The following RYK variants were observed in gnomAD, a reference collection of about 807,000 sequenced individuals.
RYK encodes receptor like tyrosine kinase, also known as inactive tyrosine-protein kinase RYK.
RYK carries 21 observed loss-of-function variants against 70.2 expected under a neutral mutation model. The ratio of observed to expected loss-of-function variants is 0.30; its 90% confidence interval spans 0.21 to 0.43. RYK has a LOEUF of 0.43. RYK is among the 20% of genes least tolerant of loss of function. RYK has a pLI of 1.00. For missense variants in RYK, 604 were observed against 753.3 expected, an observed-to-expected ratio of 0.80 and a Z score of 2.32; for synonymous variants, 267 against 278.0, an observed-to-expected ratio of 0.96 and a Z score of 0.39.
At position 134,225,977 on chromosome 3, in the gene RYK, G is replaced by T. The variant is rs577453041; in HGVS notation, c.233-3438C>A. Among the ~76,000 whole-genome samples, 69 of 151,442 alleles carry T rather than the reference G, an allele frequency of 4.6e-4. 1 individual carries two copies. Among genetic ancestry groups the T allele is most frequent in the Non-Finnish European group, 8.2e-4 (56 of 67,950 alleles). On this transcript the variant is annotated intron_variant, in intron 1 of 14. Coordinates refer to ENST00000623711, the MANE Select transcript of RYK (RefSeq NM_002958.4). ...GTGAGGGGGGATTAATCATGAATTA[G>T]ACCACATGCATTTAAAATTTTTTTA...
chr3:134,181,908 G>A (rs977969910), intron 10 of RYK, among the ~76,000 whole-genome samples: 8 of 152,154 alleles, frequency 5.3e-5, no homozygotes, highest in African/African-American at 1.9e-4. Context: ...GCTCATGCCT[G>A]TAATCCCAGC....
intron 1 of RYK, among the ~76,000 whole-genome samples, chr3:134,245,364 A>T (rs2015436830): frequency 6.6e-6 from 1 of 152,110 alleles, no homozygotes; most frequent in African/African-American, 2.4e-5. Flanking sequence ...ATTCCTCTAA[A>T]ATGATAGTTT....
intron 13 of RYK, among the ~76,000 whole-genome samples, chr3:134,171,800 A>G (rs2012920912): frequency 6.6e-6 from 1 of 152,048 alleles, no homozygotes; most frequent in South Asian, 2.1e-4. Flanking sequence ...CCAGGAGTAC[A>G]AGGCTACACT....
chr3:134,210,020 C>G (rs2014339363), intron 3 of RYK, among the ~76,000 whole-genome samples, 191 bp from the exon 4 acceptor site: 1 of 152,122 alleles, frequency 6.6e-6, no homozygotes, highest in Non-Finnish European at 1.5e-5. Flanking sequence ...AGACATTAAG[C>G]ATTTAATTCA....
chr3:134,248,909 G>A (rs925140055), intron 1 of RYK, among the ~76,000 whole-genome samples: 1 of 151,968 alleles, frequency 6.6e-6, no homozygotes, highest in African/African-American at 2.4e-5. Flanking sequence ...AAAATTAGAA[G>A]AAATTATGTG....
chr3:134,224,361 C>T (rs1298571371), intron 1 of RYK, among the ~76,000 whole-genome samples: 1 of 152,038 alleles, frequency 6.6e-6, no homozygotes, highest in Non-Finnish European at 1.5e-5. Flanking sequence ...CAGCTTATGT[C>T]ATTATTTCTT....
rs545271095 is a variant in RYK, at chr3:134,242,165, A to C, written c.232+8258T>G. ...ACCAAAAATACAAAAATTAGCTGGG[A>C]ATGGTGGTGGACGCCTGTGATCCCA... is the stretch of plus-strand genomic sequence containing the variant. On this transcript the variant is annotated intron_variant, in intron 1 of 14. Coordinates refer to ENST00000623711, the MANE Select transcript of RYK (RefSeq NM_002958.4). 6.8e-4 allele frequency among the ~76,000 whole-genome samples: 103 copies of C among 152,124 alleles called. 2 individuals are homozygous for C. The South Asian group carries it at 0.02, about 30-fold the overall frequency.
intron 13 of RYK, among the ~76,000 whole-genome samples, chr3:134,166,560 G>A (rs1559999332): frequency 6.6e-6 from 1 of 152,232 alleles, no homozygotes; most frequent in East Asian, 1.9e-4. Flanking sequence ...AGGAAAGACA[G>A]AGGAGCCAAC....
Position 134,175,772 on chromosome 3 carries a change from AAAAGT to A in RYK, c.1416-9_1416-5del, listed in dbSNP as rs766743315. 7.4e-6 allele frequency: 12 copies of A among 1,613,774 alleles called. No homozygotes were observed. The highest frequency in any genetic ancestry group is 1.0e-5 in the Non-Finnish European group (12 of 1,179,694). On this transcript the variant is annotated splice_region_variant and splice_polypyrimidine_tract_variant and intron_variant, in intron 12 of 14. Transcript: ENST00000623711. The stretch of plus-strand genomic sequence containing the variant: ...AACTTGAAGTGTGTCATCAATGCTG[AAAAGT>A]AAAGATATGAACATCAAATGCAATC...
intron 1 of RYK, among the ~76,000 whole-genome samples, chr3:134,230,645 T>C (rs182257233): frequency 8.7e-4 from 133 of 152,252 alleles, no homozygotes; most frequent in African/African-American, 2.9e-3. Context: ...ATCAGGTCAG[T>C]GGTGACCCTG....
At position 134,209,976 on chromosome 3, in the gene RYK, A is replaced by C; in HGVS notation, c.455-147T>G. On this transcript the variant is annotated intron_variant, in intron 3 of 14. Transcript: ENST00000623711. Reference sequence around the variant, plus strand: ...ACATTTAAATAAAGTAACTAAACAAAAGTTTTTAGAGATCTTCAGACTACC... The same window carrying C: ...ACATTTAAATAAAGTAACTAAACAACAGTTTTTAGAGATCTTCAGACTACC... 3 of 620,272 alleles carry C rather than the reference A, an allele frequency of 4.8e-6. No individual in the cohort carries two copies. In the African/African-American group the frequency reaches 5.9e-5, roughly 12 times the overall value. 38.4% of individuals were successfully genotyped at this position (620,272 alleles called of 1,614,324 possible).
intron 12 of RYK, 23 bp from the exon 13 acceptor site, chr3:134,175,791 T>A: frequency 6.2e-7 from 1 of 1,612,246 alleles, no homozygotes; most frequent in Non-Finnish European, 8.5e-7. Flanking sequence ...GATATGAACA[T>A]CAAATGCAAT....
At chr3:134,231,525 G>A (rs1258703796) in intron 1 of RYK, among the ~76,000 whole-genome samples, 2 of 152,176 alleles carry the variant, frequency 1.3e-5, no homozygotes, top group Non-Finnish European at 1.5e-5. Context: ...ACTTTCTCAG[G>A]CTTCTAAAAC....
At chr3:134,211,425 A>C (rs2107679588) in intron 3 of RYK, 83 bp downstream of exon 3, 1 of 835,298 alleles carries the variant, frequency 1.2e-6, no homozygotes, top group Non-Finnish European at 1.9e-6. Context: ...TACACACTAC[A>C]CATCAGTAAA....
At position 134,159,295 on chromosome 3, in the gene RYK, C is replaced by T; in HGVS notation, c.1654G>A (p.Ala552Thr). 7 of 1,613,852 alleles carry T rather than the reference C, an allele frequency of 4.3e-6. No homozygotes were observed. Among genetic ancestry groups the T allele is most frequent in the Non-Finnish European group, 5.9e-6 (7 of 1,179,824 alleles). The change falls in exon 14 of 15, where the codon GCC becomes ACC. Residue 552 changes from alanine to threonine, a missense_variant. Around this residue, in one of 2 missense-constraint regions of RYK, gnomAD observed 138 missense variants for 217.4 expected, o/e 0.63. Coordinates refer to ENST00000623711, the MANE Select transcript of RYK (RefSeq NM_002958.4). ...CGGTAACCATCTTTCAGGTATGCGG[C>T]CATCTCGAAGGGGTCAATGTCCACG... ...PYVDIDPFEMAAYLKDGYRIA... is the reference protein window; with the variant it reads ...PYVDIDPFEMTAYLKDGYRIA...
intron 2 of RYK, among the ~76,000 whole-genome samples, chr3:134,220,403 TACTC>T (rs2014698872): frequency 6.6e-6 from 1 of 152,046 alleles, no homozygotes; most frequent in Non-Finnish European, 1.5e-5. Flanking sequence ...TCTTAGAAAA[TACTC>T]ACTGACGTAT....
intron 5 of RYK, among the ~76,000 whole-genome samples, chr3:134,206,030 T>C (rs990252385): frequency 6.6e-6 from 1 of 152,144 alleles, no homozygotes; most frequent in Non-Finnish European, 1.5e-5. Context: ...AATATCCTAC[T>C]AGCATAAAAG....
rs1361965142 is a variant in RYK at position 134,159,263 on chromosome 3, G to C, written c.1686C>G (p.Ala562=). 1.2e-6 allele frequency: 2 copies of C among 1,613,836 alleles called. No homozygotes were observed. The highest frequency in any genetic ancestry group is 1.7e-6 in the Non-Finnish European group (2 of 1,179,826). The change falls in exon 14 of 15, where the codon GCC becomes GCG. Residue 562 remains alanine (A), a synonymous_variant. Transcript: ENST00000623711. ...AAYLKDGYRI[A]QPINCPDELF... Reference sequence around the variant, plus strand: ...ATTCATCAGGACAGTTGATTGGCTGGGCTATTCGGTAACCATCTTTCAGGT... The same window carrying C: ...ATTCATCAGGACAGTTGATTGGCTGCGCTATTCGGTAACCATCTTTCAGGT...
intron 1 of RYK, among the ~76,000 whole-genome samples, chr3:134,230,065 CA>C (rs1403784069): frequency 6.6e-6 from 1 of 152,124 alleles, no homozygotes; most frequent in African/African-American, 2.4e-5. Context: ...CATATGTCCA[CA>C]AAAAGACTTA....
Sources: gnomAD v4.1 joint callset for allele counts (sites outside exome capture counted in the v4.1 genomes callset) on GRCh38, gnomAD v4.1.1 for gene constraint, gnomAD v4.1.1 regional missense constraint, MANE v1.5 for transcripts, NCBI Gene and HGNC (gene_info 2026-07-23, HGNC 2026-07-21) for gene names.